Variants in EYS observed in about 807,000 individuals in gnomAD.
EYS encodes the protein EGF-like photoreceptor maintenance factor, also known as protein eyes shut homolog.
A neutral mutation model predicts 282.1 loss-of-function variants in EYS; 250 were observed. That is an observed-to-expected ratio of 0.89 (90% confidence interval 0.80 to 0.98). EYS has a LOEUF of 0.98. EYS is among the 50% of genes least tolerant of loss of function. The pLI is 0.00. For synonymous variants in EYS, 1,355 were observed against 1,282.9 expected (o/e 1.06, Z -1.20); for missense variants, 4,016 against 3,709.0 (o/e 1.08, Z -2.15).
intron 26 of EYS, among the ~76,000 whole-genome samples, chr6:64,487,116 T>C (rs1237064667): frequency 1.3e-5 from 2 of 151,138 alleles, no homozygotes; most frequent in Non-Finnish European, 3.0e-5. Context: ...TTAGCATTTG[T>C]GTGTAAACTG....
At chr6:64,013,536 G>A (rs1195576546) in intron 33 of EYS, among the ~76,000 whole-genome samples, 1 of 152,138 alleles carries the variant, frequency 6.6e-6, no homozygotes, top group East Asian at 1.9e-4. Context: ...TAGCTCGTGA[G>A]AGCTAATTTT....
intron 30 of EYS, among the ~76,000 whole-genome samples, chr6:64,239,199 T>A (rs143584541): frequency 1.8e-3 from 267 of 152,340 alleles, no homozygotes; most frequent in African/African-American, 5.9e-3. Context: ...TTGTAAACAG[T>A]GCTGCAATAA....
intron 29 of EYS, among the ~76,000 whole-genome samples, chr6:64,333,439 G>A (rs1770715122): frequency 6.6e-6 from 1 of 152,086 alleles, no homozygotes; most frequent in Non-Finnish European, 1.5e-5. Flanking sequence ...TAATAGAAGA[G>A]TCCAAAAAAG....
At chr6:63,741,865 G>A (rs1246409636) in intron 41 of EYS, 1 of 700,018 alleles carries the variant, frequency 1.4e-6, no homozygotes, top group Non-Finnish European at 2.6e-6. Flanking sequence ...TACTAGGGTA[G>A]TCAGGGTAGT....
intron 22 of EYS, among the ~76,000 whole-genome samples, chr6:64,786,396 G>A (rs1283907635): frequency 6.6e-6 from 1 of 152,036 alleles, no homozygotes; most frequent in Non-Finnish European, 1.5e-5. Flanking sequence ...ATAGGGCTCA[G>A]GGGATTGGTT....
chr6:63,868,780 CT>C (rs984128759), intron 35 of EYS, among the ~76,000 whole-genome samples: 1 of 152,158 alleles, frequency 6.6e-6, no homozygotes, highest in Admixed American at 6.6e-5. Context: ...ACAAAGAATA[CT>C]TCCCCTCTCC....
At chr6:64,388,080 C>A (rs1218333303) in intron 29 of EYS, among the ~76,000 whole-genome samples, 2 of 151,958 alleles carry the variant, frequency 1.3e-5, no homozygotes, top group Non-Finnish European at 2.9e-5. Context: ...TACTTAACAA[C>A]CTTCAATTTT....
intron 35 of EYS, among the ~76,000 whole-genome samples, chr6:63,963,568 G>C (rs1207099020): frequency 6.6e-6 from 1 of 152,156 alleles, no homozygotes; most frequent in Admixed American, 6.5e-5. Flanking sequence ...GGACCGAGAG[G>C]TGGCATTCCT....
intron 24 of EYS, among the ~76,000 whole-genome samples, chr6:64,600,716 G>A (rs1473771800): frequency 1.3e-5 from 2 of 152,062 alleles, no homozygotes; most frequent in Admixed American, 6.6e-5. Context: ...AATGGCCGGG[G>A]CTAATATGAT....
chr6:64,688,918 T>G (rs4577776), intron 22 of EYS, among the ~76,000 whole-genome samples: 120,974 of 151,440 alleles, frequency 0.8, 48,704 homozygotes, highest in Non-Finnish European at 0.86. Flanking sequence ...CACAAGACAG[T>G]GATGCCCTCT....
chr6:64,463,304 G>C (rs1273312901), intron 26 of EYS, among the ~76,000 whole-genome samples: 1 of 152,006 alleles, frequency 6.6e-6, no homozygotes, highest in Non-Finnish European at 1.5e-5. Flanking sequence ...TCCCATATCA[G>C]GATTATATTA....
chr6:65,434,522 A>G (rs539379403), intron 5 of EYS, among the ~76,000 whole-genome samples: 186 of 152,100 alleles, frequency 1.2e-3, no homozygotes, highest in Non-Finnish European at 1.9e-3. Flanking sequence ...GGGTTTCACC[A>G]TGTTAGCCAG....
At chr6:64,943,752 G>A (rs1769179703) in intron 15 of EYS, among the ~76,000 whole-genome samples, 1 of 152,086 alleles carries the variant, frequency 6.6e-6, no homozygotes, top group Non-Finnish European at 1.5e-5. Context: ...TGGCTTGGAA[G>A]AATCCATATC....
intron 18 of EYS, among the ~76,000 whole-genome samples, chr6:64,892,994 C>G (rs1238822832): frequency 6.6e-6 from 1 of 152,012 alleles, no homozygotes; most frequent in Admixed American, 6.6e-5. Flanking sequence ...ATCAGCCAGG[C>G]ACTTGGAACA....
chr6:64,159,946 C>CA (rs796815886), intron 31 of EYS, among the ~76,000 whole-genome samples: 3 of 151,636 alleles, frequency 2.0e-5, no homozygotes, highest in Non-Finnish European at 2.9e-5. Context: ...TAATTCTGAC[C>CA]AAAAAAAGTA....
At chr6:64,746,264 GATTA>G (rs1378824614) in intron 22 of EYS, among the ~76,000 whole-genome samples, 2 of 151,860 alleles carry the variant, frequency 1.3e-5, no homozygotes, top group Non-Finnish European at 2.9e-5. Flanking sequence ...CTCATAAGTG[GATTA>G]ATTAATACTA....
intron 5 of EYS, among the ~76,000 whole-genome samples, chr6:65,448,575 T>C (rs531841980): frequency 6.6e-6 from 1 of 152,152 alleles, no homozygotes; most frequent in South Asian, 2.1e-4. Context: ...TTTTATGGCC[T>C]TCAAAGATAA....
intron 28 of EYS, among the ~76,000 whole-genome samples, chr6:64,416,695 T>C (rs1223813993): frequency 6.6e-6 from 1 of 152,174 alleles, no homozygotes; most frequent in Non-Finnish European, 1.5e-5. Flanking sequence ...GCATTTTTAT[T>C]TTGAACTTTT....
intron 33 of EYS, among the ~76,000 whole-genome samples, chr6:64,057,648 T>C (rs904525016): frequency 1.3e-5 from 2 of 152,318 alleles, no homozygotes; most frequent in East Asian, 1.9e-4. Context: ...TAAACAAGTA[T>C]GCTGTTTGTC....
Sources: allele counts gnomAD v4.1 joint callset (sites outside exome capture counted in the v4.1 genomes callset), GRCh38; gene constraint gnomAD v4.1.1; transcripts MANE v1.5; gene names NCBI Gene and HGNC (gene_info 2026-07-23, HGNC 2026-07-21).